Variants in GABRG3 observed in about 807,000 individuals in gnomAD.
GABRG3 encodes gamma-aminobutyric acid receptor subunit gamma-3.
In GABRG3, 25 loss-of-function variants were observed where a neutral mutation model predicts 48.8. The observed-to-expected ratio is 0.51, with a 90% confidence interval of 0.37 to 0.72. The LOEUF is 0.72. GABRG3 is among the 30% of genes least tolerant of loss of function. GABRG3 has a pLI of 0.00. For synonymous variants in GABRG3, 227 were observed against 217.6 expected (o/e 1.04, Z -0.38); for missense variants, 394 against 577.9 (o/e 0.68, Z 3.26).
intron 3 of GABRG3, among the ~76,000 whole-genome samples, chr15:27,148,566 C>T (rs1246241642): frequency 6.6e-6 from 1 of 151,906 alleles, no homozygotes; most frequent in African/African-American, 2.4e-5. Context: ...AAATCAACAC[C>T]TCATACAAAT....
At chr15:27,040,176 C>T (rs1216402282) in intron 3 of GABRG3, among the ~76,000 whole-genome samples, 1 of 152,264 alleles carries the variant, frequency 6.6e-6, no homozygotes, top group Non-Finnish European at 1.5e-5. Context: ...GACGCATTTC[C>T]ACTTGCTGTG....
intron 3 of GABRG3, among the ~76,000 whole-genome samples, chr15:27,163,974 CG>C (rs1208710456): frequency 2.0e-5 from 3 of 152,060 alleles, no homozygotes; most frequent in Non-Finnish European, 1.5e-5. Context: ...AATTCAGTTA[CG>C]GGGGGATGGA....
chr15:27,018,303 A>G (rs1895815703), intron 2 of GABRG3, among the ~76,000 whole-genome samples: 1 of 152,166 alleles, frequency 6.6e-6, no homozygotes, highest in Non-Finnish European at 1.5e-5. Flanking sequence ...GGAAATTTAG[A>G]TCTGAGCTTT....
At chr15:27,339,111 C>T (rs866812219) in intron 5 of GABRG3, among the ~76,000 whole-genome samples, 2 of 152,126 alleles carry the variant, frequency 1.3e-5, no homozygotes, top group East Asian at 1.9e-4. Context: ...GGTCCTGTCT[C>T]CTAGTTGGAG....
At chr15:27,238,213 A>G (rs1336162802) in intron 3 of GABRG3, among the ~76,000 whole-genome samples, 1 of 151,876 alleles carries the variant, frequency 6.6e-6, no homozygotes, top group Non-Finnish European at 1.5e-5. Flanking sequence ...TGAGGAATGT[A>G]TGCTTCCCTA....
intron 3 of GABRG3, among the ~76,000 whole-genome samples, chr15:27,189,266 A>G (rs993642778): frequency 5.3e-5 from 8 of 151,952 alleles, no homozygotes; most frequent in African/African-American, 1.7e-4. Flanking sequence ...TCTGTGAAGA[A>G]AGTCATTGGC....
intron 5 of GABRG3, among the ~76,000 whole-genome samples, chr15:27,333,384 A>G (rs1893863736): frequency 6.6e-6 from 1 of 152,074 alleles, no homozygotes; most frequent in African/African-American, 2.4e-5. Flanking sequence ...GCCTTTTTCA[A>G]GCTCCTAGAG....
intron 3 of GABRG3, among the ~76,000 whole-genome samples, chr15:27,164,404 C>A (rs907651878): frequency 6.6e-6 from 1 of 152,160 alleles, no homozygotes; most frequent in Non-Finnish European, 1.5e-5. Context: ...ATACTACTAC[C>A]CCTAATGTTA....
At chr15:27,053,598 C>T (rs1363453534) in intron 3 of GABRG3, among the ~76,000 whole-genome samples, 2 of 152,116 alleles carry the variant, frequency 1.3e-5, no homozygotes, top group Admixed American at 1.3e-4. Flanking sequence ...GAAGTAAAAA[C>T]AGAACTAGCA....
At chr15:27,377,259 C>T (rs1895626657) in intron 5 of GABRG3, among the ~76,000 whole-genome samples, 1 of 152,190 alleles carries the variant, frequency 6.6e-6, no homozygotes, top group Non-Finnish European at 1.5e-5. Flanking sequence ...AAGTTCCAAA[C>T]TTTTTCACAT....
At chr15:27,253,217 T>C (rs1890516103) in intron 3 of GABRG3, among the ~76,000 whole-genome samples, 1 of 152,148 alleles carries the variant, frequency 6.6e-6, no homozygotes, top group Non-Finnish European at 1.5e-5. Flanking sequence ...ACGCATCAAA[T>C]CATAGGCCCA....
At chr15:27,280,884 T>G (rs1457463081) in intron 3 of GABRG3, among the ~76,000 whole-genome samples, 5 of 152,202 alleles carry the variant, frequency 3.3e-5, no homozygotes, top group Non-Finnish European at 5.9e-5. Flanking sequence ...TCACTCATTT[T>G]TTGACTAATT....
chr15:27,318,109 C>G (rs1893294990), intron 3 of GABRG3, among the ~76,000 whole-genome samples: 1 of 152,168 alleles, frequency 6.6e-6, no homozygotes, highest in Admixed American at 6.5e-5. Flanking sequence ...CAGCCCCATT[C>G]TAATGCTCTC....
chr15:27,204,120 C>T (rs901405691), intron 3 of GABRG3, among the ~76,000 whole-genome samples: 4 of 152,090 alleles, frequency 2.6e-5, no homozygotes, highest in African/African-American at 9.7e-5. Context: ...GAAGTCTTTG[C>T]CACAGTCCAT....
At chr15:27,523,320 A>G (rs1271601635) in intron 7 of GABRG3, among the ~76,000 whole-genome samples, 1 of 151,814 alleles carries the variant, frequency 6.6e-6, no homozygotes, top group Non-Finnish European at 1.5e-5. Flanking sequence ...CATTTTTACA[A>G]TGAATAGCAT....
Position 27,132,471 on chromosome 15 carries a change from G to GGTTTTTTTTT in GABRG3, c.270+105650_270+105651insGTTTTTTTTT, listed in dbSNP as rs778222775. ...TGATTCAATCTTCCCAGTAGTTACA[G>GGTTTTTTTTT]TTTTTTTTTTTTTTTTTTTTTTTTT... is the stretch of plus-strand genomic sequence containing the variant. On this transcript the variant is annotated intron_variant, in intron 3 of 9. Coordinates refer to ENST00000615808, the MANE Select transcript of GABRG3 (RefSeq NM_033223.5). Among the ~76,000 whole-genome samples, 10 of 39,592 alleles carry GGTTTTTTTTT rather than the reference G, an allele frequency of 2.5e-4. 3 individuals carry two copies. The highest frequency in any genetic ancestry group is 3.8e-4 in the Non-Finnish European group (8 of 21,018). The allele number at this position is 39,592 out of a possible 152,430, so 26.0% of individuals were successfully genotyped here.
chr15:27,089,058 G>C (rs1375303028), intron 3 of GABRG3, among the ~76,000 whole-genome samples: 3 of 152,102 alleles, frequency 2.0e-5, no homozygotes, highest in African/African-American at 7.2e-5. Flanking sequence ...GCAGAATGTC[G>C]GTTCTTAAGG....
intron 3 of GABRG3, among the ~76,000 whole-genome samples, chr15:27,080,276 C>A (rs1488138604): frequency 6.7e-6 from 1 of 148,338 alleles, no homozygotes; most frequent in Non-Finnish European, 1.5e-5. Flanking sequence ...ATAGCGAGAA[C>A]CTCTCTCTAA....
chr15:27,340,080 C>G (rs963996707), intron 5 of GABRG3, among the ~76,000 whole-genome samples: 6 of 152,104 alleles, frequency 3.9e-5, no homozygotes, highest in African/African-American at 1.4e-4. Flanking sequence ...TCTCTCTAAA[C>G]CCCTCTAAAC....
Sources: allele counts gnomAD v4.1 joint callset (sites outside exome capture counted in the v4.1 genomes callset), GRCh38; gene constraint gnomAD v4.1.1; transcripts MANE v1.5; gene names NCBI Gene and HGNC (gene_info 2026-07-23, HGNC 2026-07-21).